The following HMCN1 variants were observed in gnomAD, a reference collection of about 807,000 sequenced individuals.
HMCN1 encodes the protein hemicentin 1, also known as hemicentin-1.
Under a neutral mutation model 625.9 loss-of-function variants are expected in HMCN1, and 321 were observed. That is an observed-to-expected ratio of 0.51 (90% CI 0.47 to 0.56). The LOEUF is 0.56. HMCN1 is among the 20% of genes least tolerant of loss of function. The probability of loss-of-function intolerance (pLI) is 0.00; values close to 1 mark genes in which losing one functional copy is unlikely to be tolerated. For synonymous variants in HMCN1, 2,425 were observed against 2,417.6 expected (o/e 1.00, Z -0.09); for missense variants, 6,588 against 6,887.3 (o/e 0.96, Z 1.54).
At chr1:186,177,963 T>G (rs1652704166) in intron 103 of HMCN1, among the ~76,000 whole-genome samples, 1 of 152,140 alleles carries the variant, frequency 6.6e-6, no homozygotes, top group Non-Finnish European at 1.5e-5. Flanking sequence ...GAAAGCTTAG[T>G]GTAGTATTTC....
chr1:185,976,744 A>G (rs1299009956), intron 15 of HMCN1, among the ~76,000 whole-genome samples: 3 of 152,192 alleles, frequency 2.0e-5, no homozygotes, highest in African/African-American at 7.2e-5. Context: ...TGAAGATTAA[A>G]TGAGGTAATA....
chr1:185,994,774 T>C, intron 23 of HMCN1, 41 bp from the exon 24 acceptor site: 1 of 1,590,034 alleles, frequency 6.3e-7, no homozygotes, highest in Non-Finnish European at 8.6e-7. Context: ...AGAAAGGAAT[T>C]TGTGAAAGTT....
chr1:186,072,500 G>A (rs1658537954), intron 52 of HMCN1, among the ~76,000 whole-genome samples: 2 of 152,160 alleles, frequency 1.3e-5, no homozygotes, highest in African/African-American at 4.8e-5. Flanking sequence ...TTCTACTCAT[G>A]TGAAGTTTAG....
At chr1:185,820,525 A>ACATGGTTC (rs1557994289) in intron 1 of HMCN1, among the ~76,000 whole-genome samples, 1 of 152,218 alleles carries the variant, frequency 6.6e-6, no homozygotes, top group East Asian at 1.9e-4. Context: ...TAAGTGAAAG[A>ACATGGTTC]CATGGTTCCT....
At chr1:185,909,806 A>T (rs1666312249) in intron 5 of HMCN1, among the ~76,000 whole-genome samples, 1 of 152,134 alleles carries the variant, frequency 6.6e-6, no homozygotes, top group Admixed American at 6.5e-5. Flanking sequence ...ACTTTATATG[A>T]GGAGATATTT....
intron 1 of HMCN1, among the ~76,000 whole-genome samples, chr1:185,794,174 A>G (rs1488477631): frequency 6.6e-6 from 1 of 152,168 alleles, no homozygotes; most frequent in Non-Finnish European, 1.5e-5. Flanking sequence ...CTAAAAGGAA[A>G]AAAAAACTTT....
chr1:185,887,384 GC>G (rs1447588671), intron 4 of HMCN1, among the ~76,000 whole-genome samples: 2 of 151,390 alleles, frequency 1.3e-5, no homozygotes, highest in African/African-American at 4.9e-5. Context: ...GTATACATGT[GC>G]CATGCTGGTG....
rs1358226068 is a variant in HMCN1, at chr1:186,190,702, G to T, written c.*824G>T. 5.1e-6 allele frequency: 1 copy of T among 196,184 alleles called. No individual in the cohort carries two copies. Among genetic ancestry groups the T allele is most frequent in the Admixed American group, 6.1e-5 (1 of 16,462 alleles). The allele number at this position is 196,184 out of a possible 1,614,324, so 12.2% of individuals were successfully genotyped here. A position where few individuals can be genotyped will look rare whatever the true frequency, so the allele number is the denominator to read the frequency against. ...AATTTTTAAAGATACCAGTGGGACA[G>T]ATTTGGTTTTTTAAAAATCTCATGT... On this transcript the variant is annotated 3_prime_UTR_variant, in exon 107 of 107. Transcript: ENST00000271588.
At chr1:185,959,638 A>ATGG (rs1008352409) in intron 11 of HMCN1, among the ~76,000 whole-genome samples, 4 of 151,996 alleles carry the variant, frequency 2.6e-5, no homozygotes, top group Non-Finnish European at 4.4e-5. Context: ...TTGGTTGCTC[A>ATGG]TGGTGGTGGT....
rs1653631389 is a variant in HMCN1, at chr1:186,190,117, T to A, written c.*239T>A. 1 of 553,720 alleles carries A rather than the reference T, an allele frequency of 1.8e-6. No individual in the cohort carries two copies. Among genetic ancestry groups the A allele is most frequent in the South Asian group, 2.0e-5 (1 of 48,986 alleles). 34.3% of individuals were successfully genotyped at this position (553,720 alleles called of 1,614,324 possible). On this transcript the variant is annotated 3_prime_UTR_variant, in exon 107 of 107. Coordinates refer to ENST00000271588, the MANE Select transcript of HMCN1 (RefSeq NM_031935.3). ...ATTTTATTTATTACACTGGAGCAGT[T>A]ACTTCCCAAAGATTATTCTGAACAT...
Position 186,105,292 on chromosome 1 carries a change from C to CTGAT in HMCN1, c.10771-1590_10771-1587dup, listed in dbSNP as rs199775971. Among the ~76,000 whole-genome samples the CTGAT allele has an allele frequency of 8.3e-3, 1,269 of 152,272 alleles. 22 individuals carry two copies. The highest frequency in any genetic ancestry group is 0.042 in the South Asian group (204 of 4,826). Reference sequence around the variant, plus strand: ...AATTAAATATCATTAAGCCCCCAGACTGATTTTGGTTACTCTGCTCCTTTA... The same window carrying CTGAT: ...AATTAAATATCATTAAGCCCCCAGACTGATTGATTTTGGTTACTCTGCTCCTTTA... On this transcript the variant is annotated intron_variant, in intron 69 of 106. Transcript: ENST00000271588.
chr1:185,759,455 T>C (rs1038074006), intron 1 of HMCN1, among the ~76,000 whole-genome samples: 1 of 152,148 alleles, frequency 6.6e-6, no homozygotes, highest in Non-Finnish European at 1.5e-5. Flanking sequence ...TTTAGGGAGA[T>C]TTAATAGAAA....
At chr1:185,924,215 C>CTTTTTTTTTTTTTTTTTTT (rs58164381) in intron 8 of HMCN1, among the ~76,000 whole-genome samples, 2 of 43,626 alleles carry the variant, frequency 4.6e-5, no homozygotes, top group Admixed American at 4.0e-4. Context: ...CTGACCCAAT[C>CTTTTTTTTTTTTTTTTTTT]TTTTTTTTTT....
chr1:185,978,071 A>T, intron 16 of HMCN1, 90 bp downstream of exon 16: 7 of 932,766 alleles, frequency 7.5e-6, no homozygotes, highest in Non-Finnish European at 1.1e-5. Flanking sequence ...TTAAAATAGT[A>T]TATTAATCTT....
Position 186,069,662 on chromosome 1 carries a change from G to T in HMCN1, c.7880-1G>T. 1.2e-6 allele frequency: 2 copies of T among 1,604,446 alleles called. No homozygotes were observed. The highest frequency in any genetic ancestry group is 1.7e-6 in the Non-Finnish European group (2 of 1,172,882). On this transcript the variant is annotated splice_acceptor_variant, in intron 50 of 106. Coordinates refer to ENST00000271588, the MANE Select transcript of HMCN1 (RefSeq NM_031935.3). LOFTEE classifies it high-confidence loss of function. ...CTCTTTGATGTCCCATGATTTTACA[G>T]GAGGCAGAACTCTGCAGATCCTCAA...
At chr1:185,957,436 G>A (rs1335124118) in intron 11 of HMCN1, among the ~76,000 whole-genome samples, 1 of 152,144 alleles carries the variant, frequency 6.6e-6, no homozygotes, top group African/African-American at 2.4e-5. Context: ...GAGAGAAGGG[G>A]ACGTTTTTAT....
chr1:186,177,276 A>C (rs1325032069), intron 103 of HMCN1: 1 of 149,042 alleles, frequency 6.7e-6, no homozygotes, highest in East Asian at 2.0e-4. Flanking sequence ...ACTGCACTCC[A>C]GCCTGGGCAA....
At chr1:186,184,697 A>C (rs1039099581) in intron 105 of HMCN1, among the ~76,000 whole-genome samples, 1 of 152,190 alleles carries the variant, frequency 6.6e-6, no homozygotes, top group African/African-American at 2.4e-5. Context: ...AGATGTTTCA[A>C]GTATGTTTAT....
intron 103 of HMCN1, 48 bp from the exon 104 acceptor site, chr1:186,178,368 T>A (rs369733314): frequency 7.8e-7 from 1 of 1,284,668 alleles, no homozygotes. Context: ...TTTGTGTGTG[T>A]ATGTATGTGT....
Sources: allele counts gnomAD v4.1 joint callset (sites outside exome capture counted in the v4.1 genomes callset), GRCh38; gene constraint gnomAD v4.1.1; transcripts MANE v1.5; gene names NCBI Gene and HGNC (gene_info 2026-07-23, HGNC 2026-07-21).